ZNF277: variants seen among roughly 807,000 people sequenced by gnomAD.
The protein encoded by ZNF277 is zinc finger protein 277, also known as nuclear receptor-interacting factor 4.
A neutral mutation model predicts 60.7 loss-of-function variants in ZNF277; 55 were observed. The ratio of observed to expected loss-of-function variants is 0.91; its 90% confidence interval spans 0.73 to 1.13. ZNF277 has a LOEUF of 1.13. Ranked by LOEUF, ZNF277 falls within the 50% of genes most tolerant of loss-of-function variation. The probability of loss-of-function intolerance (pLI) is 0.00; values close to 1 mark genes in which losing one functional copy is unlikely to be tolerated. For missense variants in ZNF277, 510 were observed against 523.0 expected (o/e 0.98, Z 0.24); for synonymous variants, 178 against 179.3 (o/e 0.99, Z 0.06).
chr7:112,308,732 C>T (rs1277625177), intron 4 of ZNF277, among the ~76,000 whole-genome samples: 1 of 152,022 alleles, frequency 6.6e-6, no homozygotes, highest in African/African-American at 2.4e-5. Flanking sequence ...CCCTCACTCA[C>T]CTCTAGTTTC....
At chr7:112,272,579 T>C (rs1791697368) in intron 1 of ZNF277, among the ~76,000 whole-genome samples, 1 of 152,200 alleles carries the variant, frequency 6.6e-6, no homozygotes, top group African/African-American at 2.4e-5. Flanking sequence ...CTTCAGCCTC[T>C]GCCTCCCAGA....
intron 1 of ZNF277, among the ~76,000 whole-genome samples, chr7:112,213,246 A>G (rs1463216133): frequency 6.6e-6 from 1 of 152,170 alleles, no homozygotes; most frequent in Non-Finnish European, 1.5e-5. Flanking sequence ...GCCTTCCACC[A>G]TGATTGTGAG....
At chr7:112,244,902 C>G (rs1157349388) in intron 1 of ZNF277, among the ~76,000 whole-genome samples, 1 of 152,122 alleles carries the variant, frequency 6.6e-6, no homozygotes. Flanking sequence ...AAAAATTCAT[C>G]AAGTAATTAT....
At chr7:112,256,952 CTA>C (rs1038416686) in intron 1 of ZNF277, among the ~76,000 whole-genome samples, 4 of 152,102 alleles carry the variant, frequency 2.6e-5, no homozygotes, top group Admixed American at 2.0e-4. Flanking sequence ...CAAAACAGTT[CTA>C]TGTTTGTTCC....
chr7:112,222,750 T>C (rs150266818), intron 1 of ZNF277, among the ~76,000 whole-genome samples: 71 of 152,282 alleles, frequency 4.7e-4, no homozygotes, highest in South Asian at 8.3e-4. Flanking sequence ...GAGTGTCAAC[T>C]TGATTGGATT....
intron 6 of ZNF277, chr7:112,328,419 A>T (rs1793147533): frequency 6.6e-6 from 1 of 152,164 alleles, no homozygotes; most frequent in Non-Finnish European, 1.5e-5. Flanking sequence ...AAGGAAGAAA[A>T]TTCTTTAGGT....
At chr7:112,311,381 G>A (rs1792729424) in intron 4 of ZNF277, among the ~76,000 whole-genome samples, 1 of 152,030 alleles carries the variant, frequency 6.6e-6, no homozygotes, top group South Asian at 2.1e-4. Context: ...TTTTATCTAA[G>A]TGTATTTGTA....
At chr7:112,341,154 T>C (rs1793437729) in intron 11 of ZNF277, 108 bp downstream of exon 11, 1 of 1,074,270 alleles carries the variant, frequency 9.3e-7, no homozygotes, top group Admixed American at 3.4e-5. Flanking sequence ...ATATTTATTA[T>C]AAAAAGTATA....
chr7:112,242,563 AAAAAAAAAAAC>A (rs1418038052), intron 1 of ZNF277, among the ~76,000 whole-genome samples: 1 of 134,872 alleles, frequency 7.4e-6, no homozygotes, highest in Non-Finnish European at 1.7e-5. Context: ...CTACCAAAAA[AAAAAAAAAAAC>A]AAAATAAAAT....
chr7:112,335,098 T>C (rs1337808084), intron 7 of ZNF277, among the ~76,000 whole-genome samples: 1 of 152,202 alleles, frequency 6.6e-6, no homozygotes, highest in Non-Finnish European at 1.5e-5. Flanking sequence ...ATGGCACTCA[T>C]AGTTCTTTGT....
intron 7 of ZNF277, among the ~76,000 whole-genome samples, chr7:112,330,670 T>C (rs1381985104): frequency 1.3e-5 from 2 of 149,588 alleles, no homozygotes; most frequent in African/African-American, 4.9e-5. Context: ...TATCAAGCAA[T>C]TCTCCTGCCT....
chr7:112,320,982 C>A (rs1043927278), intron 5 of ZNF277, among the ~76,000 whole-genome samples: 3 of 136,038 alleles, frequency 2.2e-5, no homozygotes, highest in African/African-American at 8.4e-5. Context: ...AGTGCAGTGG[C>A]AGGATCTCGG....
chr7:112,235,136 A>G (rs1174887950), intron 1 of ZNF277, among the ~76,000 whole-genome samples: 1 of 151,946 alleles, frequency 6.6e-6, no homozygotes, highest in African/African-American at 2.4e-5. Context: ...TCGCTCCAAT[A>G]TTATTTTTAA....
chr7:112,329,884 C>T (rs1339565472), intron 6 of ZNF277, among the ~76,000 whole-genome samples, 200 bp from the exon 7 acceptor site: 1 of 152,146 alleles, frequency 6.6e-6, no homozygotes, highest in Non-Finnish European at 1.5e-5. Flanking sequence ...GTCAACTTAG[C>T]TGACTACAAA....
At chr7:112,225,851 C>T (rs1005750898) in intron 1 of ZNF277, among the ~76,000 whole-genome samples, 3 of 151,922 alleles carry the variant, frequency 2.0e-5, no homozygotes, top group Admixed American at 1.3e-4. Context: ...TTCCAGGACT[C>T]CATAGAATTA....
At chr7:112,235,513 A>G (rs1052373506) in intron 1 of ZNF277, among the ~76,000 whole-genome samples, 4 of 152,094 alleles carry the variant, frequency 2.6e-5, no homozygotes, top group African/African-American at 7.2e-5. Context: ...GTAACTAATG[A>G]TATTAAGCAT....
chr7:112,268,452 C>T (rs1265816616), intron 1 of ZNF277, among the ~76,000 whole-genome samples: 5 of 151,562 alleles, frequency 3.3e-5, no homozygotes, highest in African/African-American at 1.2e-4. Flanking sequence ...CTATATCTTC[C>T]TTGAGGACTT....
intron 1 of ZNF277, among the ~76,000 whole-genome samples, chr7:112,260,118 T>C (rs1791409829): frequency 2.0e-5 from 3 of 152,068 alleles, no homozygotes; most frequent in Admixed American, 1.3e-4. Context: ...AATACAAAAA[T>C]TATCCGGCAT....
chr7:112,258,010 G>A (rs1278344943), intron 1 of ZNF277, among the ~76,000 whole-genome samples: 1 of 151,912 alleles, frequency 6.6e-6, no homozygotes, highest in Non-Finnish European at 1.5e-5. Context: ...ACAGGATCTT[G>A]CTATGTTACC....
Sources: allele counts gnomAD v4.1 joint callset (sites outside exome capture counted in the v4.1 genomes callset), GRCh38; gene constraint gnomAD v4.1.1; transcripts MANE v1.5; gene names NCBI Gene and HGNC (gene_info 2026-07-23, HGNC 2026-07-21).